The following PRDM16 variants were observed in gnomAD, a reference collection of about 807,000 sequenced individuals.
PRDM16 encodes PR/SET domain 16.
PRDM16 carries 23 observed loss-of-function variants against 110.6 expected under a neutral mutation model. The ratio of observed to expected loss-of-function variants is 0.21; its 90% CI spans 0.15 to 0.29. The LOEUF is 0.29. Among genes scored for constraint, PRDM16 ranks in the 10% least tolerant of loss-of-function variants. PRDM16 has a pLI of 1.00. For missense variants in PRDM16, 1,615 were observed against 1,794.3 expected, an observed-to-expected ratio of 0.90 and a Z score of 1.81; for synonymous variants, 799 against 781.8, an observed-to-expected ratio of 1.02 and a Z score of -0.37.
rs558171741 is a variant in PRDM16 at position 3,136,223 on chromosome 1, G to A, written c.38-49902G>A. Among the ~76,000 whole-genome samples, 8 of 152,332 alleles carry A rather than the reference G, an allele frequency of 5.3e-5. No individual in the cohort carries two copies. In the East Asian group the frequency reaches 1.5e-3, roughly 29 times the overall value. On this transcript the variant is annotated intron_variant, in intron 1 of 16. Coordinates refer to ENST00000270722, the MANE Select transcript of PRDM16 (RefSeq NM_022114.4). ...AGGGTTGGGGGCCTGGGGCTGCAGC[G>A]TAGCTGAAGTGGAACCTGCCCAGCC...
intron 3 of PRDM16, among the ~76,000 whole-genome samples, chr1:3,349,429 A>G (rs1199733227): frequency 6.6e-6 from 1 of 152,200 alleles, no homozygotes; most frequent in African/African-American, 2.4e-5. Context: ...GCAAGTGGCC[A>G]TGGCGGGAAG....
chr1:3,425,329 T>C lies in PRDM16; in HGVS notation c.2940-252T>C, dbSNP rs911924073. 65 of 369,740 alleles carry C rather than the reference T, an allele frequency of 1.8e-4. No homozygotes were observed. Among genetic ancestry groups the C allele is most frequent in the African/African-American group, 2.5e-4 (12 of 48,576 alleles). The allele number at this position is 369,740 out of a possible 1,614,324, so 22.9% of individuals were successfully genotyped here. A position where few individuals can be genotyped will look rare whatever the true frequency, so the allele number is the denominator to read the frequency against. ...TCCTGACCTCGTGATCCACCCGCCT[T>C]GGCCTCCCAAAGTGCTGTGATTATA... On this transcript the variant is annotated intron_variant, in intron 12 of 16. Transcript: ENST00000270722. The surrounding 1 kb of genome is among the most constrained non-coding windows in gnomAD (Gnocchi z 6.9).
At chr1:3,235,208 C>T (rs901962140) in intron 2 of PRDM16, among the ~76,000 whole-genome samples, 4 of 152,230 alleles carry the variant, frequency 2.6e-5, no homozygotes, top group Admixed American at 1.3e-4. Flanking sequence ...CCCAGGCCCT[C>T]GGAAGCTCTG....
chr1:3,287,376 G>A (rs1430822410), intron 3 of PRDM16, among the ~76,000 whole-genome samples: 1 of 94,632 alleles, frequency 1.1e-5, no homozygotes, highest in Admixed American at 9.9e-5. Context: ...CCGCCACGCG[G>A]GCATCCAGGA....
rs1387604830 is a variant in PRDM16, at chr1:3,209,985, G to A, written c.387+23511G>A. Among the ~76,000 whole-genome samples, 1 of 152,180 alleles carries A rather than the reference G, an allele frequency of 6.6e-6. No homozygotes were observed. Among genetic ancestry groups the A allele is most frequent in the African/African-American group, 2.4e-5 (1 of 41,452 alleles). On this transcript the variant is annotated intron_variant, in intron 2 of 16. Coordinates refer to ENST00000270722, the MANE Select transcript of PRDM16 (RefSeq NM_022114.4). The surrounding 1 kb of genome is among the most constrained non-coding windows in gnomAD (Gnocchi z 4.6). The stretch of plus-strand genomic sequence containing the variant: ...CATTTTCTAGAGACATTTGCAGGAA[G>A]GTATTTGACACATTAAAGCCAATTT...
intron 3 of PRDM16, among the ~76,000 whole-genome samples, chr1:3,310,982 C>CGTGTGTGCGTGCGTATGTGT (rs1641442797): frequency 6.6e-6 from 1 of 151,480 alleles, no homozygotes. Context: ...CATGTGTGTG[C>CGTGTGTGCGTGCGTATGTGT]GTGTGTGCGT....
intron 1 of PRDM16, among the ~76,000 whole-genome samples, chr1:3,123,213 G>A (rs1461481295): frequency 6.6e-6 from 1 of 152,250 alleles, no homozygotes; most frequent in Non-Finnish European, 1.5e-5. Flanking sequence ...ACAGGGGACA[G>A]GGGCTGCAGG....
intron 2 of PRDM16, among the ~76,000 whole-genome samples, chr1:3,225,686 G>A (rs977927085): frequency 2.0e-5 from 3 of 152,126 alleles, no homozygotes; most frequent in African/African-American, 4.8e-5. Context: ...AAACACATGA[G>A]AATCCTACTT....
chr1:3,327,204 G>A (rs774555261), intron 3 of PRDM16, among the ~76,000 whole-genome samples: 79 of 152,240 alleles, frequency 5.2e-4, no homozygotes, highest in Non-Finnish European at 1.0e-3. Context: ...TTCTCTGGTG[G>A]CCTTTTAAGA....
intron 3 of PRDM16, among the ~76,000 whole-genome samples, chr1:3,348,177 C>T (rs1198983145): frequency 1.3e-5 from 2 of 152,178 alleles, no homozygotes; most frequent in Non-Finnish European, 2.9e-5. Flanking sequence ...TCTGGCCCAA[C>T]CGTAGCCCTC....
chr1:3,181,641 C>CACGGTCTTACACAT (rs1644194951), intron 1 of PRDM16, among the ~76,000 whole-genome samples: 2 of 139,054 alleles, frequency 1.4e-5, no homozygotes, highest in African/African-American at 5.4e-5. Context: ...CAGTCTTACA[C>CACGGTCTTACACAT]ACGGTCTTAC....
intron 12 of PRDM16, among the ~76,000 whole-genome samples, chr1:3,421,255 G>T (rs1056943230): frequency 2.0e-5 from 3 of 152,094 alleles, no homozygotes; most frequent in Admixed American, 2.0e-4. Context: ...GTGCTCAGGG[G>T]CTCGGGGGCC....
intron 8 of PRDM16, among the ~76,000 whole-genome samples, chr1:3,407,963 A>C (rs1643590435): frequency 6.6e-6 from 1 of 152,234 alleles, no homozygotes; most frequent in Non-Finnish European, 1.5e-5. Flanking sequence ...GAAGATTCTC[A>C]TTCCCTTAGA....
intron 1 of PRDM16, among the ~76,000 whole-genome samples, chr1:3,130,528 C>G (rs755247727): frequency 1.4e-4 from 22 of 152,214 alleles, no homozygotes; most frequent in Non-Finnish European, 2.6e-4. Flanking sequence ...AGGGCTGCCC[C>G]CTGTCTATAG....
intron 2 of PRDM16, among the ~76,000 whole-genome samples, chr1:3,195,819 C>T (rs982415594): frequency 6.6e-5 from 10 of 152,212 alleles, no homozygotes; most frequent in South Asian, 2.1e-4. Context: ...CCTTTTCCTT[C>T]CTCCCTTTCT....
rs777228666 is a variant in PRDM16 at position 3,433,775 on chromosome 1, G to A, written c.3795G>A (p.Ser1265=). 8.1e-6 allele frequency: 13 copies of A among 1,613,782 alleles called. No individual in the cohort carries two copies. The highest frequency in any genetic ancestry group is 6.7e-5 in the East Asian group (3 of 44,882). ...DAWLKVTGAT[S]ESGAFHPINH... ...GGTTGAAGGTCACTGGAGCCACGTC[G>A]GAGTCTGGAGCATTTCACCCCATCA... is the stretch of plus-strand genomic sequence containing the variant. The change falls in exon 17 of 17, where the codon TCG becomes TCA. Residue 1265 remains serine (S), a synonymous_variant. Transcript: ENST00000270722.
chr1:3,094,022 G>T (rs2981875), intron 1 of PRDM16, among the ~76,000 whole-genome samples: 1 of 152,364 alleles, frequency 6.6e-6, no homozygotes, highest in East Asian at 1.9e-4. Context: ...AGGAAGTGCC[G>T]AGCAGAAGTG....
chr1:3,370,025 G>A lies in PRDM16; in HGVS notation c.439-15127G>A, dbSNP rs1642881365. On this transcript the variant is annotated intron_variant, in intron 3 of 16. Transcript: ENST00000270722. The surrounding 1 kb of genome is among the most constrained non-coding windows in gnomAD (Gnocchi z 4.8). ...TGTCACAGGGAGAAGAAAGAAGGAT[G>A]GGCTCGGAGAGACTGAGTCAGCTGC... is the stretch of plus-strand genomic sequence containing the variant. Among the ~76,000 whole-genome samples the A allele has an allele frequency of 6.6e-6, 1 of 152,194 alleles. No homozygotes were observed. Among genetic ancestry groups the A allele is most frequent in the East Asian group, 1.9e-4 (1 of 5,186 alleles).
intron 2 of PRDM16, among the ~76,000 whole-genome samples, chr1:3,223,662 T>G (rs112057796): frequency 0.01 from 1,529 of 152,314 alleles, 38 homozygotes; most frequent in African/African-American, 0.033. Context: ...ATTTGAGTGT[T>G]GGGTCTGCAT....
Sources: allele counts gnomAD v4.1 joint callset (sites outside exome capture counted in the v4.1 genomes callset), GRCh38; gene constraint gnomAD v4.1.1; non-coding constraint Gnocchi (gnomAD v3.1); transcripts MANE v1.5; gene names NCBI Gene and HGNC (gene_info 2026-07-23, HGNC 2026-07-21).